CAST: variants seen among roughly 807,000 people sequenced by gnomAD.
The protein encoded by CAST is calpastatin, also known as MIR583 host.
A neutral mutation model predicts 119.6 loss-of-function variants in CAST; 76 were observed. That is an observed-to-expected ratio of 0.64 (90% CI 0.53 to 0.77). The LOEUF (loss-of-function observed/expected upper bound fraction) is 0.77, where lower values mean the gene tolerates loss of function less well. Ranked by LOEUF, CAST falls within the 30% of genes least tolerant of loss-of-function variation. CAST has a pLI of 0.00. For missense variants in CAST, 953 were observed against 946.5 expected (o/e 1.01, Z -0.09); for synonymous variants, 319 against 331.6 (o/e 0.96, Z 0.41).
the CAST span, among the ~76,000 whole-genome samples, chr5:96,357,826 A>G: frequency 1.4e-3 from 213 of 152,328 alleles, 1 homozygote; most frequent in Admixed American, 2.2e-3. Flanking sequence ...CTTTGGTATC[A>G]GGATGATGCT....
At chr5:96,083,277 T>C in the CAST span, among the ~76,000 whole-genome samples, 274 of 152,274 alleles carry the variant, frequency 1.8e-3, 1 homozygote, top group African/African-American at 6.3e-3. Flanking sequence ...AAAAAGAGAA[T>C]AAAAATACTC....
the CAST span, among the ~76,000 whole-genome samples, chr5:96,313,192 G>T: frequency 6.6e-6 from 1 of 151,942 alleles, no homozygotes; most frequent in Non-Finnish European, 1.5e-5. Flanking sequence ...AGTTTATTTT[G>T]TTTTAAGATA....
At chr5:96,108,476 C>T in the CAST span, among the ~76,000 whole-genome samples, 1 of 152,074 alleles carries the variant, frequency 6.6e-6, no homozygotes, top group Admixed American at 6.6e-5. Flanking sequence ...TGTTGGAGTA[C>T]CCGGCCGTGT....
At chr5:96,694,386 C>T (rs964961513) in intron 2 of CAST, among the ~76,000 whole-genome samples, 1 of 152,110 alleles carries the variant, frequency 6.6e-6, no homozygotes, top group African/African-American at 2.4e-5. Flanking sequence ...GCCTGTAATC[C>T]CAGCACTTTG....
the CAST span, among the ~76,000 whole-genome samples, chr5:96,400,903 C>A: frequency 2.0e-5 from 3 of 151,038 alleles, no homozygotes; most frequent in African/African-American, 7.3e-5. Context: ...TTGGCTAACA[C>A]GGTGAAACCC....
At chr5:96,480,068 C>T in the CAST span, among the ~76,000 whole-genome samples, 2 of 152,126 alleles carry the variant, frequency 1.3e-5, no homozygotes, top group Admixed American at 1.3e-4. Context: ...ACAGAATTTG[C>T]ATTTAATCCT....
the CAST span, among the ~76,000 whole-genome samples, chr5:96,060,140 C>T: frequency 6.6e-6 from 1 of 152,044 alleles, no homozygotes; most frequent in African/African-American, 2.4e-5. Context: ...CTTTTCTATC[C>T]CTAACAGGAA....
the CAST span, among the ~76,000 whole-genome samples, chr5:96,332,628 C>T: frequency 6.6e-6 from 1 of 152,116 alleles, no homozygotes; most frequent in East Asian, 1.9e-4. Context: ...GACAGAGCGA[C>T]GACATGGACG....
the CAST span, among the ~76,000 whole-genome samples, chr5:96,042,394 T>C: frequency 1.3e-5 from 2 of 152,202 alleles, no homozygotes; most frequent in South Asian, 2.1e-4. Context: ...AGTTTATTTC[T>C]GTGTTAAAGA....
chr5:96,757,222 A>G (rs1766503573), intron 22 of CAST, among the ~76,000 whole-genome samples: 1 of 152,188 alleles, frequency 6.6e-6, no homozygotes, highest in Non-Finnish European at 1.5e-5. Context: ...TCCAGTGTGC[A>G]GCCCCCGTGA....
intron 3 of CAST, among the ~76,000 whole-genome samples, chr5:96,711,304 A>C (rs2150358133): frequency 6.6e-6 from 1 of 152,324 alleles, no homozygotes; most frequent in Non-Finnish European, 1.5e-5. Flanking sequence ...GACAACCAAT[A>C]TAAAACAAAG....
chr5:96,001,801 CT>C, the CAST span, among the ~76,000 whole-genome samples: 2 of 152,196 alleles, frequency 1.3e-5, no homozygotes, highest in African/African-American at 4.8e-5. Context: ...ATCAAGTATA[CT>C]TCCTGAGGTT....
At chr5:96,017,917 A>G in the CAST span, among the ~76,000 whole-genome samples, 8 of 152,192 alleles carry the variant, frequency 5.3e-5, no homozygotes, top group Non-Finnish European at 1.2e-4. Context: ...TTTATTTTAT[A>G]TGGAAAGTAA....
the CAST span, chr5:96,433,203 G>A: frequency 1.4e-6 from 1 of 709,212 alleles, no homozygotes; most frequent in South Asian, 1.6e-5. Flanking sequence ...GGAGAGGCTG[G>A]GCGGCGGCGA....
At chr5:96,642,100 C>T (rs1410766090) in intron 1 of CAST, among the ~76,000 whole-genome samples, 2 of 152,212 alleles carry the variant, frequency 1.3e-5, no homozygotes, top group Admixed American at 6.5e-5. Flanking sequence ...TGCACTGAAA[C>T]TTCTATAAGC....
intron 1 of CAST, among the ~76,000 whole-genome samples, chr5:96,608,410 C>G (rs1462405096): frequency 6.6e-6 from 1 of 152,042 alleles, no homozygotes; most frequent in Non-Finnish European, 1.5e-5. Context: ...CACCCCATGC[C>G]TCATAAGGTT....
the CAST span, chr5:96,247,862 C>T: frequency 6.6e-6 from 1 of 152,270 alleles, no homozygotes; most frequent in Non-Finnish European, 1.5e-5. Context: ...AGAAAACTGC[C>T]ACCCTTCTGG....
At chr5:96,354,800 G>A in the CAST span, among the ~76,000 whole-genome samples, 1 of 150,284 alleles carries the variant, frequency 6.7e-6, no homozygotes, top group African/African-American at 2.4e-5. Context: ...GGCAATAAAT[G>A]TTAACTTCCC....
the CAST span, chr5:96,392,163 C>T: frequency 6.9e-6 from 1 of 145,742 alleles, no homozygotes; most frequent in Non-Finnish European, 1.5e-5. Flanking sequence ...TTTGCCAAGT[C>T]CCAAGTGTAA....
Sources: gnomAD v4.1 joint callset for allele counts (sites outside exome capture counted in the v4.1 genomes callset) on GRCh38, gnomAD v4.1.1 for gene constraint, MANE v1.5 for transcripts, NCBI Gene and HGNC (gene_info 2026-07-23, HGNC 2026-07-21) for gene names.